Variants in KCTD19 observed in about 807,000 individuals in gnomAD.
KCTD19 encodes potassium channel tetramerization domain containing 19.
Under a neutral mutation model 103.5 loss-of-function variants are expected in KCTD19, and 67 were observed. That is an observed-to-expected ratio of 0.65 (90% CI 0.53 to 0.79). KCTD19 has a LOEUF of 0.79. Ranked by LOEUF, KCTD19 falls within the 30% of genes least tolerant of loss-of-function variation. KCTD19 has a pLI of 0.00. For missense variants in KCTD19, 980 were observed against 1,136.1 expected (o/e 0.86, Z 1.98); for synonymous variants, 439 against 452.2 (o/e 0.97, Z 0.37).
chr16:67,300,318 A>G lies in KCTD19; in HGVS notation c.776-745T>C, dbSNP rs1043777478. ...CTTGCCCTAAACTGCAAAGCTAGGC[A>G]GGGGCAGGGCTAGGATTTGAGGTCA... On this transcript the variant is annotated intron_variant, in intron 5 of 15. Transcript: ENST00000304372. This position sits in a 1 kb window ranked among gnomAD's most constrained non-coding sequence, Gnocchi z 4.5. 2 of 152,268 alleles carry G rather than the reference A, an allele frequency of 1.3e-5. No individual in the cohort carries two copies. Among genetic ancestry groups the G allele is most frequent in the Non-Finnish European group, 2.9e-5 (2 of 68,064 alleles). 9.4% of individuals were successfully genotyped at this position (152,268 alleles called of 1,614,324 possible). A position where few individuals can be genotyped will look rare whatever the true frequency, so the allele number is the denominator to read the frequency against.
intron 2 of KCTD19, among the ~76,000 whole-genome samples, chr16:67,310,906 G>A (rs866026637): frequency 4.6e-5 from 7 of 152,312 alleles, no homozygotes; most frequent in Middle Eastern, 6.8e-3. Context: ...AAGCAAGGCT[G>A]GTAGAACAAA....
At position 67,294,675 on chromosome 16, in the gene KCTD19, C is replaced by T. The variant is rs769262453; in HGVS notation, c.1495G>A (p.Glu499Lys). Residue 499 changes from glutamate to lysine, a missense_variant, in exon 11 of 16, where the codon GAA (glutamate) becomes AAA (lysine). Transcript: ENST00000304372. Reference sequence around the variant, plus strand: ...GAAAAAGCTTCTTCATTTTCAGATTCTTTCTCCTGAGTCCATGACCTGCAG... The same window carrying T: ...GAAAAAGCTTCTTCATTTTCAGATTTTTTCTCCTGAGTCCATGACCTGCAG... ...EAYKSWTQEK[E>K]SENEEAFSIR... 1 of 1,614,076 alleles carries T rather than the reference C, an allele frequency of 6.2e-7. No homozygotes were observed. Among genetic ancestry groups the T allele is most frequent in the East Asian group, 2.2e-5 (1 of 44,886 alleles).
intron 15 of KCTD19, among the ~76,000 whole-genome samples, chr16:67,290,167 CTTTTTTTTT>C (rs11296444): frequency 7.2e-5 from 5 of 69,282 alleles, no homozygotes; most frequent in South Asian, 7.1e-4. Context: ...TGAATATTTT[CTTTTTTTTT>C]TTTTTTTTTT....
chr16:67,304,840 G>T (rs562378485), intron 2 of KCTD19, among the ~76,000 whole-genome samples: 63 of 151,818 alleles, frequency 4.1e-4, no homozygotes, highest in South Asian at 1.9e-3. Context: ...ATTTTTTTTT[G>T]TATTTTTAGT....
chr16:67,299,670 C>G (rs979953462), intron 5 of KCTD19, 97 bp from the exon 6 acceptor site: 1 of 935,310 alleles, frequency 1.1e-6, no homozygotes, highest in Non-Finnish European at 1.6e-6. Flanking sequence ...TCCATTGTAC[C>G]GAGGAGGCTC....
intron 5 of KCTD19, among the ~76,000 whole-genome samples, 151 bp downstream of exon 5, chr16:67,301,628 TTCAGGCTGTGAA>T (rs2036835171): frequency 6.6e-6 from 1 of 152,070 alleles, no homozygotes; most frequent in South Asian, 2.1e-4. Flanking sequence ...CACACAGGGT[TTCAGGCTGTGAA>T]TCCTCTTCTT....
At position 67,323,596 on chromosome 16, in the gene KCTD19, C is replaced by A. The variant is rs1452737447; in HGVS notation, c.4-2711G>T. Among the ~76,000 whole-genome samples the A allele has an allele frequency of 6.6e-6, 1 of 152,096 alleles. No individual in the cohort carries two copies. Among genetic ancestry groups the A allele is most frequent in the East Asian group, 1.9e-4 (1 of 5,196 alleles). On this transcript the variant is annotated intron_variant, in intron 1 of 15. Coordinates refer to ENST00000304372, the MANE Select transcript of KCTD19 (RefSeq NM_001100915.3). The surrounding 1 kb of genome is among the most constrained non-coding windows in gnomAD (Gnocchi z 4.1). Reference sequence around the variant, plus strand: ...CATGGATGAAATTCGAAACATTATGCCAAGGGAAAGAAGCCAAACAAAAAA... The same window carrying A: ...CATGGATGAAATTCGAAACATTATGACAAGGGAAAGAAGCCAAACAAAAAA...
At chr16:67,311,315 G>A (rs1190592618) in intron 2 of KCTD19, among the ~76,000 whole-genome samples, 1 of 149,272 alleles carries the variant, frequency 6.7e-6, no homozygotes, top group African/African-American at 2.5e-5. Context: ...TTTTTTTTTT[G>A]AGATGGAGTC....
chr16:67,310,723 A>C (rs1219490302), intron 2 of KCTD19, among the ~76,000 whole-genome samples: 2 of 152,216 alleles, frequency 1.3e-5, no homozygotes, highest in Non-Finnish European at 2.9e-5. Flanking sequence ...CTGATGGCAG[A>C]ACTTTGGGAC....
chr16:67,301,995 AG>A, intron 4 of KCTD19, 73 bp from the exon 5 acceptor site: 1 of 1,460,140 alleles, frequency 6.8e-7, no homozygotes, highest in Non-Finnish European at 9.5e-7. Flanking sequence ...TGGTTTTGGC[AG>A]GTTTCTGGTG....
chr16:67,324,723 T>C (rs747424605), intron 1 of KCTD19, among the ~76,000 whole-genome samples: 4 of 152,126 alleles, frequency 2.6e-5, no homozygotes, highest in Non-Finnish European at 5.9e-5. Context: ...AATAAATGCA[T>C]GCAAGAAAGA....
Position 67,294,578 on chromosome 16 carries a change from A to T in KCTD19, c.1590+2T>A, listed in dbSNP as rs761944170. On this transcript the variant is annotated splice_donor_variant, in intron 11 of 15. Coordinates refer to ENST00000304372, the MANE Select transcript of KCTD19 (RefSeq NM_001100915.3). LOFTEE classifies it high-confidence loss of function. ...CACCAACCAGAGGAGGCTGGTGCTT[A>T]CTTCTTTAGTGTCTCTACTGAACTC... The T allele has an allele frequency of 6.3e-7, 1 of 1,599,198 alleles. No individual in the cohort carries two copies. The highest frequency in any genetic ancestry group is 1.3e-5 in the African/African-American group (1 of 74,750).
intron 2 of KCTD19, among the ~76,000 whole-genome samples, chr16:67,314,643 C>T (rs1391162016): frequency 6.6e-6 from 1 of 150,734 alleles, no homozygotes; most frequent in Non-Finnish European, 1.5e-5. Context: ...GTCTTGAACT[C>T]CTAAGCTCAA....
At chr16:67,297,395 C>T in intron 7 of KCTD19, 108 bp downstream of exon 7, 2 of 1,126,704 alleles carry the variant, frequency 1.8e-6, no homozygotes, top group South Asian at 1.6e-5. Flanking sequence ...CTGGCTTTCC[C>T]CTCCTCCTCC....
intron 1 of KCTD19, chr16:67,321,685 G>T (rs370662895): frequency 6.6e-6 from 1 of 152,106 alleles, no homozygotes; most frequent in African/African-American, 2.4e-5. Context: ...CACATGCAGC[G>T]CCTCATTAGG....
In KCTD19 at chr16:67,300,235, G is replaced by C. The variant is rs1056209082; in HGVS notation, c.776-662C>G. 2 of 152,280 alleles carry C rather than the reference G, an allele frequency of 1.3e-5. No individual in the cohort carries two copies. Among genetic ancestry groups the C allele is most frequent in the African/African-American group, 4.8e-5 (2 of 41,444 alleles). 9.4% of individuals were successfully genotyped at this position (152,280 alleles called of 1,614,324 possible). A position where few individuals can be genotyped will look rare whatever the true frequency, so the allele number is the denominator to read the frequency against. On this transcript the variant is annotated intron_variant, in intron 5 of 15. Transcript: ENST00000304372. The surrounding 1 kb of genome is among the most constrained non-coding windows in gnomAD (Gnocchi z 4.5). ...ATCCTCAGAGCAACCCTGCAAGAGGGGATAGTGCTATCATCATTTCACGTT... is the reference window on the plus strand; with the variant it reads ...ATCCTCAGAGCAACCCTGCAAGAGGCGATAGTGCTATCATCATTTCACGTT...
intron 2 of KCTD19, among the ~76,000 whole-genome samples, chr16:67,314,875 G>GGA (rs2036993026): frequency 1.9e-5 from 1 of 52,914 alleles, no homozygotes; most frequent in African/African-American, 8.6e-5. Flanking sequence ...AGAGAGAGAG[G>GGA]GGAAGGGTCT....
chr16:67,290,920 G>C lies in KCTD19; in HGVS notation c.2632C>G (p.Arg878Gly), dbSNP rs775455264. Residue 878 changes from arginine to glycine, a missense_variant, in exon 15 of 16, where the codon CGG becomes GGG. Coordinates refer to ENST00000304372, the MANE Select transcript of KCTD19 (RefSeq NM_001100915.3). ...CTGTACAGGCGCTCCTGGGTGTGCCGGTCATCCTTGAAGCCGGTGATGGCC... is the reference window on the plus strand; with the variant it reads ...CTGTACAGGCGCTCCTGGGTGTGCCCGTCATCCTTGAAGCCGGTGATGGCC... The part of the protein sequence containing the change: ...LLAITGFKDD[R>G]HTQERLYSWV... The C allele has an allele frequency of 6.2e-7, 1 of 1,613,984 alleles. No individual in the cohort carries two copies. Among genetic ancestry groups the C allele is most frequent in the Non-Finnish European group, 8.5e-7 (1 of 1,179,972 alleles).
At chr16:67,312,255 T>G (rs1289117121) in intron 2 of KCTD19, among the ~76,000 whole-genome samples, 1 of 152,212 alleles carries the variant, frequency 6.6e-6, no homozygotes, top group Non-Finnish European at 1.5e-5. Flanking sequence ...TAAACCCTGG[T>G]GAATGACCCT....
Sources: allele counts gnomAD v4.1 joint callset (sites outside exome capture counted in the v4.1 genomes callset), GRCh38; gene constraint gnomAD v4.1.1; non-coding constraint Gnocchi (gnomAD v3.1); transcripts MANE v1.5; gene names NCBI Gene and HGNC (gene_info 2026-07-23, HGNC 2026-07-21).